The following SPTBN4 variants were observed in gnomAD, a reference collection of about 807,000 sequenced individuals.
SPTBN4 encodes the protein spectrin beta chain, non-erythrocytic 4.
A neutral mutation model predicts 277.8 loss-of-function variants in SPTBN4; 96 were observed. The ratio of observed to expected loss-of-function variants is 0.35; its 90% CI spans 0.29 to 0.41. SPTBN4 has a LOEUF of 0.41. Among genes scored for constraint, SPTBN4 ranks in the 10% least tolerant of loss-of-function variants. SPTBN4 has a pLI of 1.00. For synonymous variants in SPTBN4, 1,481 were observed against 1,580.3 expected (o/e 0.94, Z 1.49); for missense variants, 3,006 against 3,595.7 (o/e 0.84, Z 4.19).
chr19:40,525,151 A>G (rs906912423), intron 17 of SPTBN4, among the ~76,000 whole-genome samples: 1 of 152,018 alleles, frequency 6.6e-6, no homozygotes, highest in African/African-American at 2.4e-5. Flanking sequence ...CAGCCCCAGG[A>G]CCGCTACCCC....
chr19:40,574,359 A>G (rs928447187), intron 35 of SPTBN4, among the ~76,000 whole-genome samples: 8 of 151,436 alleles, frequency 5.3e-5, no homozygotes, highest in Non-Finnish European at 1.0e-4. Context: ...GCAATGAAGA[A>G]GTGGGCTTTT....
chr19:40,493,066 C>T lies in SPTBN4; in HGVS notation c.587+12C>T, dbSNP rs771745270. On this transcript the variant is annotated intron_variant, in intron 5 of 35. Coordinates refer to ENST00000598249, the MANE Select transcript of SPTBN4 (RefSeq NM_020971.3). Reference sequence around the variant, plus strand: ...ATGAAGACAGCTGGGTAAGCACCCCCACCACCTTCCTTAGGAGGTTAGGCA... The same window carrying T: ...ATGAAGACAGCTGGGTAAGCACCCCTACCACCTTCCTTAGGAGGTTAGGCA... The T allele has an allele frequency of 1.2e-6, 2 of 1,613,684 alleles. No homozygotes were observed. Among genetic ancestry groups the T allele is most frequent in the Non-Finnish European group, 8.5e-7 (1 of 1,179,684 alleles).
rs2080405180 is a variant in SPTBN4 at position 40,512,747 on chromosome 19, T to C, written c.1958T>C (p.Leu653Pro). Reference sequence around the variant, plus strand: ...AGCCTGTGGGCGCTGCTGCAGGAGCTGGAGGAGGCCGAGAGCTGGGCGCGC... The same window carrying C: ...AGCCTGTGGGCGCTGCTGCAGGAGCCGGAGGAGGCCGAGAGCTGGGCGCGC... ...SRSLWALLQE[L>P]EEAESWARDK... Residue 653 changes from leucine to proline, a missense_variant, in exon 14 of 36, where the codon CTG becomes CCG. Leu to Pro is a moderately conservative substitution (Grantham distance 98). This residue lies in a region of SPTBN4 where 1,759 missense variants were observed against 2,061.5 expected (regional missense o/e 0.85). Transcript: ENST00000598249. 4 of 1,518,166 alleles carry C rather than the reference T, an allele frequency of 2.6e-6. No homozygotes were observed. Among genetic ancestry groups the C allele is most frequent in the Non-Finnish European group, 3.5e-6 (4 of 1,140,764 alleles). 94.0% of individuals were successfully genotyped at this position (1,518,166 alleles called of 1,614,324 possible).
chr19:40,520,029 G>A lies in SPTBN4; in HGVS notation c.3532G>A (p.Glu1178Lys). The A allele has an allele frequency of 6.4e-7, 1 of 1,564,662 alleles. No homozygotes were observed. The highest frequency in any genetic ancestry group is 8.6e-7 in the Non-Finnish European group (1 of 1,158,716). The change falls in exon 16 of 36, where the codon GAA (glutamate) becomes AAA (lysine). Residue 1178 changes from glutamate (E) to lysine (K), a missense_variant. Transcript: ENST00000598249. ...LALDEWLPHLELGWHKLLGLW... is the reference protein window; with the variant it reads ...LALDEWLPHLKLGWHKLLGLW... ...ACTAGACGAGTGGCTGCCACACCTC[G>A]AACTTGGCTGGCATAAACTGCTCGG...
At position 40,502,695 on chromosome 19, in the gene SPTBN4, T is replaced by C; in HGVS notation, c.1204-80T>C. On this transcript the variant is annotated intron_variant, in intron 10 of 35. Transcript: ENST00000598249. The surrounding 1 kb of genome is among the most constrained non-coding windows in gnomAD (Gnocchi z 4.9). Reference sequence around the variant, plus strand: ...TTTGCATGAAGTTGCCATAATGCTATGAGTGACCTCAGACTAAGTCAAGAC... The same window carrying C: ...TTTGCATGAAGTTGCCATAATGCTACGAGTGACCTCAGACTAAGTCAAGAC... 5.1e-6 allele frequency: 8 copies of C among 1,553,526 alleles called. No homozygotes were observed. The highest frequency in any genetic ancestry group is 7.0e-6 in the Non-Finnish European group (8 of 1,149,760).
In SPTBN4 at chr19:40,563,815, C is replaced by A. The variant is rs906553709; in HGVS notation, c.5916-1608C>A. 9.0e-5 allele frequency among the ~76,000 whole-genome samples: 9 copies of A among 99,636 alleles called. No homozygotes were observed. The South Asian group carries it at 9.7e-4, about 11-fold the overall frequency. The allele number at this position is 99,636 out of a possible 152,430, so 65.4% of individuals were successfully genotyped here. On this transcript the variant is annotated intron_variant, in intron 27 of 35. Transcript: ENST00000598249. ...GCTGAGATTGGGAGGCTAAGGCAGG[C>A]GGATCACCTGAGGCCAGAAGTTCGA...
chr19:40,479,702 A>ATATATATATT (rs1303572950), intron 2 of SPTBN4, among the ~76,000 whole-genome samples: 71 of 144,426 alleles, frequency 4.9e-4, no homozygotes, highest in African/African-American at 1.3e-3. Flanking sequence ...ATATATATAT[A>ATATATATATT]TTTAACTTTT....
intron 20 of SPTBN4, 78 bp from the exon 21 acceptor site, chr19:40,549,111 C>A: frequency 1.6e-6 from 2 of 1,251,330 alleles, no homozygotes; most frequent in Non-Finnish European, 2.2e-6. Context: ...GTCTGGCTGT[C>A]ACCATAAGGG....
intron 4 of SPTBN4, among the ~76,000 whole-genome samples, chr19:40,492,546 CAG>C (rs1469462173): frequency 6.6e-6 from 1 of 152,068 alleles, no homozygotes; most frequent in African/African-American, 2.4e-5. Flanking sequence ...TTGAATGAAA[CAG>C]AGATACGGAG....
chr19:40,487,096 G>T (rs1033622169), intron 2 of SPTBN4, among the ~76,000 whole-genome samples: 11 of 151,874 alleles, frequency 7.2e-5, no homozygotes, highest in African/African-American at 2.4e-4. Context: ...CAGTGCAGTG[G>T]CGTGATCTCG....
At chr19:40,474,970 AATAACCCTC>A (rs1332291290) in intron 2 of SPTBN4, among the ~76,000 whole-genome samples, 8 of 152,136 alleles carry the variant, frequency 5.3e-5, no homozygotes, top group Admixed American at 3.9e-4. Context: ...CCTGGGCTAA[AATAACCCTC>A]CCACCTCGGC....
At chr19:40,531,464 GTTT>G (rs71173645) in intron 18 of SPTBN4, among the ~76,000 whole-genome samples, 13 of 40,916 alleles carry the variant, frequency 3.2e-4, no homozygotes, top group South Asian at 1.5e-3. Context: ...TCCAGTGTTT[GTTT>G]TTTTTTTTTT....
In SPTBN4 at chr19:40,531,464, GTTTTTTTTTTT is replaced by G. The variant is rs71173645; in HGVS notation, c.3949-1136_3949-1126del. On this transcript the variant is annotated intron_variant, in intron 18 of 35. Transcript: ENST00000598249. ...ACCGCGGAGCTGGAGTCCAGTGTTT[GTTTTTTTTTTT>G]TTTTTTTTTTTTTTTTTTTTTTTTG... Among the ~76,000 whole-genome samples the G allele has an allele frequency of 1.6e-3, 66 of 40,912 alleles. 1 individual carries two copies. Among genetic ancestry groups the G allele is most frequent in the Admixed American group, 6.5e-3 (13 of 2,014 alleles). The allele number at this position is 40,912 out of a possible 152,430, so 26.8% of individuals were successfully genotyped here.
At chr19:40,485,994 C>T (rs919480933) in intron 2 of SPTBN4, among the ~76,000 whole-genome samples, 8 of 137,086 alleles carry the variant, frequency 5.8e-5, no homozygotes, top group African/African-American at 2.0e-4. Flanking sequence ...AAAAAAAAAA[C>T]AGTAGAGGGA....
chr19:40,528,970 C>A lies in SPTBN4; in HGVS notation c.3858-71C>A, dbSNP rs187263526. 56 of 1,199,498 alleles carry A rather than the reference C, an allele frequency of 4.7e-5. No homozygotes were observed. In the African/African-American group the frequency reaches 8.4e-4, roughly 18 times the overall value. The allele number at this position is 1,199,498 out of a possible 1,614,324, so 74.3% of individuals were successfully genotyped here. Reference sequence around the variant, plus strand: ...CTTCCCCTACCCAGCCCAGTGCCCTCACAGTCCTACTGCCAGCGCCGCACC... The same window carrying A: ...CTTCCCCTACCCAGCCCAGTGCCCTAACAGTCCTACTGCCAGCGCCGCACC... On this transcript the variant is annotated intron_variant, in intron 17 of 35. Transcript: ENST00000598249.
chr19:40,487,416 G>C (rs2080085027), intron 2 of SPTBN4, among the ~76,000 whole-genome samples: 1 of 151,252 alleles, frequency 6.6e-6, no homozygotes, highest in Admixed American at 6.6e-5. Context: ...TGCGATCTTG[G>C]CTCACTGCAG....
chr19:40,505,759 A>G (rs552748514), intron 12 of SPTBN4, among the ~76,000 whole-genome samples: 512 of 139,162 alleles, frequency 3.7e-3, no homozygotes, highest in Middle Eastern at 0.011. Context: ...AGGAAGAAAG[A>G]AAGGTGAACA....
chr19:40,494,054 G>A (rs2080167449), intron 5 of SPTBN4, among the ~76,000 whole-genome samples: 1 of 152,108 alleles, frequency 6.6e-6, no homozygotes, highest in African/African-American at 2.4e-5. Context: ...GCTCTACTGG[G>A]AAGGTTCCCT....
rs547698661 is a variant in SPTBN4 at position 40,469,314 on chromosome 19, G to A, written c.-16+2009G>A. Among the ~76,000 whole-genome samples, 20 of 152,022 alleles carry A rather than the reference G, an allele frequency of 1.3e-4. No homozygotes were observed. In the South Asian group the frequency reaches 3.9e-3, roughly 30 times the overall value. On this transcript the variant is annotated intron_variant, in intron 1 of 35. Coordinates refer to ENST00000598249, the MANE Select transcript of SPTBN4 (RefSeq NM_020971.3). ...GAGTCTTACTCTGTCGCCCAGGCTAGAGTTTAGTGGCACAATCTCGGCTCA... is the reference window on the plus strand; with the variant it reads ...GAGTCTTACTCTGTCGCCCAGGCTAAAGTTTAGTGGCACAATCTCGGCTCA...
Sources: gnomAD v4.1 joint callset for allele counts (sites outside exome capture counted in the v4.1 genomes callset) on GRCh38, gnomAD v4.1.1 for gene constraint, gnomAD v4.1.1 regional missense constraint, Gnocchi (gnomAD v3.1) non-coding constraint, MANE v1.5 for transcripts, NCBI Gene and HGNC (gene_info 2026-07-23, HGNC 2026-07-21) for gene names.